The following FGF12 variants were observed in gnomAD, a reference collection of about 807,000 sequenced individuals.
FGF12 encodes the protein fibroblast growth factor 12, also known as fibroblast growth factor 12B.
Under a neutral mutation model 23.6 loss-of-function variants are expected in FGF12, and 14 were observed. That is an observed-to-expected ratio of 0.59 (90% CI 0.39 to 0.93). The LOEUF (loss-of-function observed/expected upper bound fraction) is 0.93, where lower values mean the gene tolerates loss of function less well. Ranked by LOEUF, FGF12 falls within the 40% of genes least tolerant of loss-of-function variation. The pLI is 0.00. For synonymous variants in FGF12, 62 were observed against 77.3 expected (o/e 0.80, Z 1.04); for missense variants, 175 against 217.8 (o/e 0.80, Z 1.24).
intron 2 of FGF12, among the ~76,000 whole-genome samples, chr3:192,588,378 A>G (rs1443851308): frequency 6.7e-6 from 1 of 149,892 alleles, no homozygotes; most frequent in Non-Finnish European, 1.5e-5. Flanking sequence ...GAAAAAAAGA[A>G]AAAAAAAATT....
intron 4 of FGF12, among the ~76,000 whole-genome samples, chr3:192,324,475 A>G (rs1412527465): frequency 1.3e-5 from 2 of 152,226 alleles, no homozygotes; most frequent in African/African-American, 2.4e-5. Context: ...AGTGTTGAGT[A>G]CATAATATAC....
At chr3:192,271,564 C>A (rs2108628803) in intron 4 of FGF12, among the ~76,000 whole-genome samples, 1 of 152,314 alleles carries the variant, frequency 6.6e-6, no homozygotes, top group East Asian at 1.9e-4. Context: ...CTGCCTATCT[C>A]TAGCTTTCCC....
At chr3:192,376,791 T>C (rs1390270304) in intron 2 of FGF12, among the ~76,000 whole-genome samples, 1 of 152,270 alleles carries the variant, frequency 6.6e-6, no homozygotes, top group Non-Finnish European at 1.5e-5. Flanking sequence ...AGATTCATCT[T>C]AATATCTACA....
rs1718483383 is a variant in FGF12, at chr3:192,356,595, G to A, written c.124+3833C>T. On this transcript the variant is annotated intron_variant, in intron 3 of 5. Coordinates refer to ENST00000445105, the MANE Select transcript of FGF12 (RefSeq NM_004113.6). ...TCTGTTCCTGCCGACAAATCCATTTGTGTTTTGTACTCAATTACATATAAT... is the reference window on the plus strand; with the variant it reads ...TCTGTTCCTGCCGACAAATCCATTTATGTTTTGTACTCAATTACATATAAT... Among the ~76,000 whole-genome samples the A allele has an allele frequency of 2.0e-5, 3 of 152,038 alleles. No homozygotes were observed. The South Asian group carries it at 6.2e-4, about 32-fold the overall frequency.
At chr3:192,484,622 T>C (rs1723577038) in intron 2 of FGF12, among the ~76,000 whole-genome samples, 1 of 152,178 alleles carries the variant, frequency 6.6e-6, no homozygotes, top group Admixed American at 6.6e-5. Context: ...AGAGGTAGTA[T>C]AGGAGAAGAG....
chr3:192,655,611 T>G (rs954946653), intron 2 of FGF12, among the ~76,000 whole-genome samples: 4 of 152,210 alleles, frequency 2.6e-5, no homozygotes. Context: ...TTGACCCATT[T>G]AATCATAACT....
intron 3 of FGF12, among the ~76,000 whole-genome samples, chr3:192,353,518 C>T (rs141379745): frequency 0.053 from 8,033 of 151,898 alleles, 763 homozygotes; most frequent in African/African-American, 0.18. Flanking sequence ...TACAGGCGCC[C>T]GCCACCACAC....
At chr3:192,547,596 T>C (rs887673769) in intron 2 of FGF12, among the ~76,000 whole-genome samples, 6 of 152,248 alleles carry the variant, frequency 3.9e-5, no homozygotes, top group Admixed American at 1.3e-4. Flanking sequence ...TTATAGCTTA[T>C]GTTGCAGTAA....
At chr3:192,321,798 G>C (rs80313457) in intron 4 of FGF12, among the ~76,000 whole-genome samples, 24,438 of 151,820 alleles carry the variant, frequency 0.16, 2,136 homozygotes, top group East Asian at 0.29. Context: ...AAAAATGATG[G>C]GTATAGAAGG....
In FGF12 at chr3:192,612,579, C is replaced by T. The variant is rs555417157; in HGVS notation, c.13+114602G>A. Among the ~76,000 whole-genome samples the T allele has an allele frequency of 3.3e-5, 5 of 151,600 alleles. No homozygotes were observed. In the South Asian group the frequency reaches 6.2e-4, roughly 19 times the overall value. On this transcript the variant is annotated intron_variant, in intron 2 of 5. Coordinates refer to ENST00000445105, the MANE Select transcript of FGF12 (RefSeq NM_004113.6). ...ATACTTTGCAGAATGGGAAATGTCA[C>T]GGGAAAATGGTCACCATAAAGTAAG...
At chr3:192,424,582 C>G (rs1721636609) in intron 2 of FGF12, among the ~76,000 whole-genome samples, 1 of 152,170 alleles carries the variant, frequency 6.6e-6, no homozygotes, top group Non-Finnish European at 1.5e-5. Flanking sequence ...ACTTGCAACT[C>G]AGTGCTAGAG....
In FGF12 at chr3:192,144,027, C is replaced by G. The variant is rs374897358; in HGVS notation, c.528G>C (p.Val176=). ...GTPTMNGGKV[V]NQDST is the part of the protein sequence containing the mutation. The stretch of plus-strand genomic sequence containing the variant: ...TTCTCAGCTATGTTGAATCTTGATT[C>G]ACAACTTTGCCTCCATTCATGGTTG... The change falls in exon 6 of 6, where the codon GTG becomes GTC. Residue 176 remains valine (V), a synonymous_variant. Transcript: ENST00000445105. The G allele has an allele frequency of 1.9e-6, 3 of 1,610,246 alleles. No homozygotes were observed. The African/African-American group carries it at 4.0e-5, about 21-fold the overall frequency.
intron 4 of FGF12, among the ~76,000 whole-genome samples, chr3:192,269,306 G>C (rs1713278948): frequency 6.6e-6 from 1 of 152,168 alleles, no homozygotes; most frequent in Admixed American, 6.5e-5. Flanking sequence ...AATTTCAGCA[G>C]TCTTAACTAA....
At chr3:192,300,856 AG>A (rs1247579981) in intron 4 of FGF12, among the ~76,000 whole-genome samples, 1 of 151,884 alleles carries the variant, frequency 6.6e-6, no homozygotes, top group Non-Finnish European at 1.5e-5. Context: ...ATCTCTCCTA[AG>A]AAATACAAAA....
intron 2 of FGF12, among the ~76,000 whole-genome samples, chr3:192,445,518 A>C (rs1434222930): frequency 6.6e-6 from 1 of 152,230 alleles, no homozygotes; most frequent in East Asian, 1.9e-4. Flanking sequence ...AAATTCAAAC[A>C]GATGCCTTTT....
chr3:192,686,910 G>A (rs1404051201), intron 2 of FGF12, among the ~76,000 whole-genome samples: 1 of 127,290 alleles, frequency 7.9e-6, no homozygotes, highest in Non-Finnish European at 1.6e-5. Context: ...CTCACTGCAA[G>A]CTCCGGCTTC....
At chr3:192,597,192 G>C (rs1224758649) in intron 2 of FGF12, among the ~76,000 whole-genome samples, 1 of 152,150 alleles carries the variant, frequency 6.6e-6, no homozygotes, top group East Asian at 1.9e-4. Context: ...AAGGGCAAAA[G>C]GATGTGCTAG....
chr3:192,623,873 G>A (rs1336848258), intron 2 of FGF12, among the ~76,000 whole-genome samples: 1 of 152,144 alleles, frequency 6.6e-6, no homozygotes. Flanking sequence ...AGCCTCAGAA[G>A]TAATCATGAC....
intron 2 of FGF12, among the ~76,000 whole-genome samples, chr3:192,502,672 T>C (rs1724166536): frequency 6.6e-6 from 1 of 152,160 alleles, no homozygotes; most frequent in African/African-American, 2.4e-5. Flanking sequence ...GGTACAAGCG[T>C]TTCTCCTAAA....
Sources: gnomAD v4.1 joint callset for allele counts (sites outside exome capture counted in the v4.1 genomes callset) on GRCh38, gnomAD v4.1.1 for gene constraint, MANE v1.5 for transcripts, NCBI Gene and HGNC (gene_info 2026-07-23, HGNC 2026-07-21) for gene names.